GSE1: variants seen among roughly 807,000 people sequenced by gnomAD.
The protein encoded by GSE1 is genetic suppressor element 1.
GSE1 carries 32 observed loss-of-function variants against 112.6 expected under a neutral mutation model. The ratio of observed to expected loss-of-function variants is 0.28; its 90% CI spans 0.21 to 0.38. The LOEUF is 0.38. Ranked by LOEUF, GSE1 falls within the 10% of genes least tolerant of loss-of-function variation. The probability of loss-of-function intolerance (pLI) is 1.00; values close to 1 mark genes in which losing one functional copy is unlikely to be tolerated. For missense variants in GSE1, 2,348 were observed against 1,699.2 expected (o/e 1.38, Z -6.71); for synonymous variants, 1,115 against 735.6 (o/e 1.52, Z -8.35).
intron 1 of GSE1, among the ~76,000 whole-genome samples, chr16:85,204,687 C>G (rs1246273915): frequency 2.6e-5 from 4 of 152,234 alleles, no homozygotes; most frequent in Non-Finnish European, 4.4e-5. Context: ...ACTGTGTCCT[C>G]TCCCCCAGGG....
chr16:85,375,188 C>T (rs1189278315), intron 2 of GSE1, among the ~76,000 whole-genome samples: 3 of 152,134 alleles, frequency 2.0e-5, no homozygotes, highest in Non-Finnish European at 4.4e-5. Context: ...CTGCCGGCAC[C>T]CTGCCTGTCA....
At chr16:85,220,325 C>A (rs1004017082) in intron 1 of GSE1, among the ~76,000 whole-genome samples, 1 of 152,184 alleles carries the variant, frequency 6.6e-6, no homozygotes, top group African/African-American at 2.4e-5. Flanking sequence ...ATTACCGGAC[C>A]ACATGTTGCC....
chr16:85,205,370 G>A (rs1035289211), intron 1 of GSE1, among the ~76,000 whole-genome samples: 4 of 152,186 alleles, frequency 2.6e-5, no homozygotes, highest in Non-Finnish European at 5.9e-5. Flanking sequence ...GGCTTCCAGT[G>A]ATCCGCCTGC....
intron 1 of GSE1, among the ~76,000 whole-genome samples, chr16:85,240,805 C>T (rs1905108780): frequency 6.6e-6 from 1 of 152,202 alleles, no homozygotes; most frequent in South Asian, 2.1e-4. Context: ...TATTCAGAGG[C>T]TGGTGCTGGG....
At chr16:85,452,160 T>C (rs1204432165) in intron 2 of GSE1, among the ~76,000 whole-genome samples, 1 of 152,146 alleles carries the variant, frequency 6.6e-6, no homozygotes, top group Non-Finnish European at 1.5e-5. Context: ...CTGAAGCCGT[T>C]TGCCACCCTG....
chr16:85,632,211 A>G (rs966456036), intron 1 of GSE1, among the ~76,000 whole-genome samples: 3 of 152,226 alleles, frequency 2.0e-5, no homozygotes, highest in South Asian at 2.1e-4. Context: ...CCGCTGCTGC[A>G]GGGCACGGCC....
chr16:85,430,451 A>G (rs952815509), intron 2 of GSE1, among the ~76,000 whole-genome samples: 3 of 152,192 alleles, frequency 2.0e-5, no homozygotes, highest in Non-Finnish European at 4.4e-5. Context: ...GCCAACTCCA[A>G]GAGGGACACA....
At chr16:85,657,956 C>T (rs575411500) in intron 8 of GSE1, among the ~76,000 whole-genome samples, 8 of 152,360 alleles carry the variant, frequency 5.3e-5, no homozygotes, top group African/African-American at 7.2e-5. Flanking sequence ...TACCTGTTCT[C>T]TCCATCTTCC....
chr16:85,200,570 T>A (rs1157295445), intron 1 of GSE1, among the ~76,000 whole-genome samples: 1 of 152,012 alleles, frequency 6.6e-6, no homozygotes, highest in African/African-American at 2.4e-5. Context: ...TGGGCTGAAC[T>A]CTTAACACCG....
intron 1 of GSE1, among the ~76,000 whole-genome samples, chr16:85,207,633 G>T (rs1216125678): frequency 6.6e-6 from 1 of 152,246 alleles, no homozygotes; most frequent in Non-Finnish European, 1.5e-5. Context: ...TGCAGAGCCA[G>T]ATGAGGCTGG....
intron 1 of GSE1, among the ~76,000 whole-genome samples, chr16:85,309,927 C>T (rs1027136926): frequency 6.6e-6 from 1 of 152,212 alleles, no homozygotes; most frequent in African/African-American, 2.4e-5. Flanking sequence ...CAGGAACAGA[C>T]ATCCCTTCTT....
rs989344265 is a variant in GSE1 at position 85,626,025 on chromosome 16, G to C, written c.8-7889G>C. The stretch of plus-strand genomic sequence containing the variant: ...GTCAGGATCCTGGCCACCTGCAAGG[G>C]CTGTCCTTTGCCTTAGCCATGAGTG... On this transcript the variant is annotated intron_variant, in intron 1 of 15. Coordinates refer to ENST00000253458, the MANE Select transcript of GSE1 (RefSeq NM_014615.5). Among the ~76,000 whole-genome samples the C allele has an allele frequency of 3.3e-5, 5 of 152,142 alleles. No homozygotes were observed. In the South Asian group the frequency reaches 1.0e-3, roughly 31 times the overall value.
Position 85,627,044 on chromosome 16 carries a change from C to CTTTTTTTTTTTTTTTT in GSE1, c.8-6853_8-6838dup. On this transcript the variant is annotated intron_variant, in intron 1 of 15. Coordinates refer to ENST00000253458, the MANE Select transcript of GSE1 (RefSeq NM_014615.5). ...GGACTTTGCTTCCTTTTCTTCTTGC[C>CTTTTTTTTTTTTTTTT]TTTTTTTTTTTTTTTTTTTTTTTTT... Among the ~76,000 whole-genome samples the CTTTTTTTTTTTTTTTT allele has an allele frequency of 6.1e-3, 154 of 25,068 alleles. 27 individuals are homozygous for CTTTTTTTTTTTTTTTT. Among genetic ancestry groups the CTTTTTTTTTTTTTTTT allele is most frequent in the Non-Finnish European group, 7.5e-3 (106 of 14,064 alleles). The allele number at this position is 25,068 out of a possible 152,430, so 16.4% of individuals were successfully genotyped here. A position where few individuals can be genotyped will look rare whatever the true frequency, so the allele number is the denominator to read the frequency against.
chr16:85,232,732 G>C (rs952849762), intron 1 of GSE1, among the ~76,000 whole-genome samples: 12 of 152,226 alleles, frequency 7.9e-5, no homozygotes, highest in African/African-American at 2.9e-4. Context: ...TGCCCAGAGC[G>C]CCAGCTCCAA....
At chr16:85,566,018 G>A (rs1464496861) in intron 1 of GSE1, among the ~76,000 whole-genome samples, 2 of 152,070 alleles carry the variant, frequency 1.3e-5, no homozygotes, top group African/African-American at 2.4e-5. Context: ...ACCCTCTCTG[G>A]ATCTCTGTTT....
chr16:85,204,659 G>T (rs1317665922), intron 1 of GSE1, among the ~76,000 whole-genome samples: 1 of 152,192 alleles, frequency 6.6e-6, no homozygotes, highest in Non-Finnish European at 1.5e-5. Context: ...TTGAACTGTG[G>T]GCTTTCTGCC....
At chr16:85,623,747 C>T (rs1022684133) in intron 1 of GSE1, among the ~76,000 whole-genome samples, 3 of 152,210 alleles carry the variant, frequency 2.0e-5, no homozygotes, top group Admixed American at 2.0e-4. Flanking sequence ...CATCTCCCCG[C>T]CTCTGAAGCT....
intron 2 of GSE1, among the ~76,000 whole-genome samples, chr16:85,457,129 C>T (rs1023812423): frequency 6.6e-6 from 1 of 152,142 alleles, no homozygotes; most frequent in African/African-American, 2.4e-5. Context: ...TTTCCTCTGA[C>T]CCCAAAAGAA....
At position 85,598,698 on chromosome 16, in the gene GSE1, C is replaced by T. The variant is rs577265632; in HGVS notation, c.37+42335C>T. On this transcript the variant is annotated intron_variant, in intron 1 of 2. Transcript: ENST00000635906. Reference sequence around the variant, plus strand: ...GTGGGCCTCCCAAGTAGGCATGGGGCAAGGGTTTGCATCCCGCAACCATTG... The same window carrying T: ...GTGGGCCTCCCAAGTAGGCATGGGGTAAGGGTTTGCATCCCGCAACCATTG... Among the ~76,000 whole-genome samples, 65 of 152,336 alleles carry T rather than the reference C, an allele frequency of 4.3e-4. 1 individual carries two copies. Among genetic ancestry groups the T allele is most frequent in the African/African-American group, 1.5e-3 (63 of 41,582 alleles).
Sources: allele counts gnomAD v4.1 joint callset (sites outside exome capture counted in the v4.1 genomes callset), GRCh38; gene constraint gnomAD v4.1.1; transcripts MANE v1.5; gene names NCBI Gene and HGNC (gene_info 2026-07-23, HGNC 2026-07-21).